RFC3: variants seen among roughly 807,000 people sequenced by gnomAD.
RFC3 encodes the protein A1 38 kDa subunit.
In RFC3, 41 loss-of-function variants were observed where a neutral mutation model predicts 45.1. That is an observed-to-expected ratio of 0.91 (90% CI 0.71 to 1.18). The LOEUF (loss-of-function observed/expected upper bound fraction) is 1.18, where lower values mean the gene tolerates loss of function less well. Among genes scored for constraint, RFC3 ranks in the 50% most tolerant of loss-of-function variants. RFC3 has a pLI of 0.00. For missense variants in RFC3, 423 were observed against 428.1 expected, an observed-to-expected ratio of 0.99 and a Z score of 0.10; for synonymous variants, 149 against 144.0, an observed-to-expected ratio of 1.03 and a Z score of -0.25.
intron 4 of RFC3, among the ~76,000 whole-genome samples, chr13:33,827,627 A>G (rs1236232929): frequency 6.6e-6 from 1 of 152,208 alleles, no homozygotes. Context: ...TTACCACCCA[A>G]TTACAGTTGA....
At chr13:33,827,890 G>A (rs1410642394) in intron 4 of RFC3, among the ~76,000 whole-genome samples, 1 of 151,996 alleles carries the variant, frequency 6.6e-6, no homozygotes, top group African/African-American at 2.4e-5. Flanking sequence ...TTAGGTCTGG[G>A]GCTCTACAGC....
intron 8 of RFC3, among the ~76,000 whole-genome samples, chr13:33,865,210 T>A (rs2082365546): frequency 2.0e-5 from 3 of 152,042 alleles, no homozygotes; most frequent in South Asian, 4.2e-4. Flanking sequence ...TCCTCCCAAT[T>A]CAAAACACCT....
intron 7 of RFC3, among the ~76,000 whole-genome samples, chr13:33,834,421 A>T (rs1169905436): frequency 6.2e-5 from 9 of 144,452 alleles, no homozygotes; most frequent in Non-Finnish European, 4.5e-5. Flanking sequence ...TTAAAACGTC[A>T]TATGTACATT....
At chr13:33,964,572 A>G (rs751119173) in intron 8 of RFC3, among the ~76,000 whole-genome samples, 33 of 152,198 alleles carry the variant, frequency 2.2e-4, no homozygotes, top group Non-Finnish European at 4.4e-4. Context: ...TCTCCTCCTG[A>G]GACAAAACAC....
In RFC3 at chr13:33,930,533, A is replaced by G. The variant is rs867745135; in HGVS notation, c.880-35554A>G. 9.9e-5 allele frequency among the ~76,000 whole-genome samples: 15 copies of G among 152,242 alleles called. No homozygotes were observed. The South Asian group carries it at 1.0e-3, about 11-fold the overall frequency. ...GCAGCTGATTAGATGGTGCCCACCC[A>G]GATTGAGGATGGGTCTGTCTCTCTG... is the stretch of plus-strand genomic sequence containing the variant. On this transcript the variant is annotated intron_variant, in intron 8 of 8. Transcript: ENST00000434425.
rs147550801 is a variant in RFC3 at position 33,871,016 on chromosome 13, A to G, written c.879+35799A>G. On this transcript the variant is annotated intron_variant, in intron 8 of 8. Coordinates refer to the RFC3 transcript ENST00000434425. ...TAGACCCTCAGAGTTAGAAGGCACT[A>G]AAGAGTGAACTAGTGGAGCCCTCTG... 1.1e-3 allele frequency among the ~76,000 whole-genome samples: 168 copies of G among 152,340 alleles called. No homozygotes were observed. In the Middle Eastern group the frequency reaches 0.034, roughly 31 times the overall value.
rs1403869865 is a variant in RFC3 at position 33,830,850 on chromosome 13, G to A, written c.705G>A (p.Val235=). Residue 235 remains valine, a synonymous_variant, in exon 6 of 9, where the codon GTG becomes GTA. Transcript: ENST00000380071. ...KALLMCEACR[V]QQYPFTADQE... is the part of the protein sequence containing the mutation. ...TGCTTATGTGTGAAGCCTGCAGAGT[G>A]CAACAGTGAGTGGAAGGGGTAGTTA... The A allele has an allele frequency of 1.1e-5, 17 of 1,611,524 alleles. No individual in the cohort carries two copies. The highest frequency in any genetic ancestry group is 1.4e-5 in the Non-Finnish European group (17 of 1,179,280).
At chr13:33,943,869 G>A (rs1040787796) in intron 8 of RFC3, among the ~76,000 whole-genome samples, 1 of 152,082 alleles carries the variant, frequency 6.6e-6, no homozygotes, top group African/African-American at 2.4e-5. Flanking sequence ...AAGCAAATTC[G>A]CAGGTTCTAT....
At chr13:33,885,822 G>C (rs1258036457) in intron 8 of RFC3, among the ~76,000 whole-genome samples, 1 of 152,166 alleles carries the variant, frequency 6.6e-6, no homozygotes, top group East Asian at 1.9e-4. Flanking sequence ...GAGTCACTGT[G>C]AGTTGCCTAC....
At chr13:33,909,538 C>T (rs978484509) in intron 8 of RFC3, among the ~76,000 whole-genome samples, 1 of 152,046 alleles carries the variant, frequency 6.6e-6, no homozygotes, top group South Asian at 2.1e-4. Flanking sequence ...CCTGTTACCC[C>T]TCTCTCTCTT....
intron 8 of RFC3, among the ~76,000 whole-genome samples, chr13:33,916,060 A>G (rs111539915): frequency 6.6e-6 from 1 of 152,148 alleles, no homozygotes; most frequent in African/African-American, 2.4e-5. Context: ...CAGCCACCCA[A>G]ACTGCTGGGA....
chr13:33,830,166 G>A (rs1362789606), intron 5 of RFC3, 149 bp downstream of exon 5: 4 of 657,930 alleles, frequency 6.1e-6, no homozygotes, highest in South Asian at 4.0e-5. Context: ...AAACCAAAGC[G>A]TATAGTTGTA....
intron 8 of RFC3, among the ~76,000 whole-genome samples, chr13:33,875,792 A>G (rs1025854678): frequency 2.0e-5 from 3 of 151,878 alleles, no homozygotes. Context: ...TCAATCACTC[A>G]TGGAGCAACT....
intron 4 of RFC3, among the ~76,000 whole-genome samples, chr13:33,826,739 G>A (rs3135582): frequency 0.25 from 38,686 of 151,812 alleles, 7,584 homozygotes; most frequent in African/African-American, 0.5. Context: ...TTGTATTTTG[G>A]TAGTTTGAGT....
At chr13:33,897,564 A>C (rs1027093617) in intron 8 of RFC3, among the ~76,000 whole-genome samples, 1 of 152,040 alleles carries the variant, frequency 6.6e-6, no homozygotes, top group Non-Finnish European at 1.5e-5. Context: ...GTAAGTTCTT[A>C]CTTATCAATA....
At chr13:33,966,095 G>A in exon 9 of RFC3, 4 of 1,609,438 alleles carry the variant, frequency 2.5e-6, no homozygotes, top group Non-Finnish European at 3.4e-6. Flanking sequence ...AGGCATGTAA[G>A]GAGGAATCAA....
At chr13:33,863,752 A>G (rs184163368) in intron 8 of RFC3, among the ~76,000 whole-genome samples, 41 of 152,294 alleles carry the variant, frequency 2.7e-4, no homozygotes, top group Admixed American at 7.2e-4. Context: ...GCCCTGCTGT[A>G]TAAGTACTCT....
At chr13:33,937,822 A>G (rs574721801) in intron 8 of RFC3, among the ~76,000 whole-genome samples, 1 of 152,284 alleles carries the variant, frequency 6.6e-6, no homozygotes, top group Admixed American at 6.5e-5. Flanking sequence ...TGTGCTCCTC[A>G]GGGCAGGTAG....
At chr13:33,835,265 C>T (rs373482833) in intron 8 of RFC3, 48 bp downstream of exon 8, 24 of 1,224,764 alleles carry the variant, frequency 2.0e-5, no homozygotes, top group African/African-American at 1.0e-4. Flanking sequence ...AAAATTTGGA[C>T]GCTGGGTGTG....
Sources: gnomAD v4.1 joint callset for allele counts (sites outside exome capture counted in the v4.1 genomes callset) on GRCh38, gnomAD v4.1.1 for gene constraint, MANE v1.5 for transcripts, NCBI Gene and HGNC (gene_info 2026-07-23, HGNC 2026-07-21) for gene names.